Variants in SCFD2 observed in about 807,000 individuals in gnomAD.
The protein encoded by SCFD2 is sec1 family domain containing 2.
Under a neutral mutation model 58.9 loss-of-function variants are expected in SCFD2, and 54 were observed. The ratio of observed to expected loss-of-function variants is 0.92; its 90% CI spans 0.74 to 1.15. SCFD2 has a LOEUF of 1.15. Ranked by LOEUF, SCFD2 falls within the 50% of genes most tolerant of loss-of-function variation. The pLI, the probability that SCFD2 is intolerant of heterozygous loss-of-function variation, is 0.00. For missense variants in SCFD2, 805 were observed against 836.6 expected (o/e 0.96, Z 0.47); for synonymous variants, 321 against 335.9 (o/e 0.96, Z 0.49).
chr4:53,183,319 G>C (rs1018588065), intron 4 of SCFD2, among the ~76,000 whole-genome samples: 1 of 152,180 alleles, frequency 6.6e-6, no homozygotes, highest in Non-Finnish European at 1.5e-5. Context: ...ATACTATGCA[G>C]CCATAAAAAA....
intron 3 of SCFD2, among the ~76,000 whole-genome samples, chr4:53,311,333 A>G (rs1732683586): frequency 6.6e-6 from 1 of 151,856 alleles, no homozygotes; most frequent in Non-Finnish European, 1.5e-5. Flanking sequence ...CCCTATCTAG[A>G]GTTGTGGAAT....
chr4:53,346,428 C>T (rs1045358340), intron 2 of SCFD2, among the ~76,000 whole-genome samples: 4 of 151,932 alleles, frequency 2.6e-5, no homozygotes, highest in African/African-American at 9.7e-5. Context: ...GTGTGCACCA[C>T]CACACCTGGC....
chr4:53,161,820 CA>C (rs1158628230), intron 4 of SCFD2, among the ~76,000 whole-genome samples: 1 of 152,138 alleles, frequency 6.6e-6, no homozygotes, highest in East Asian at 1.9e-4. Flanking sequence ...CTCTTGTTAT[CA>C]TATTATCATC....
intron 3 of SCFD2, among the ~76,000 whole-genome samples, chr4:53,288,524 A>T (rs920212854): frequency 1.6e-4 from 25 of 152,190 alleles, no homozygotes; most frequent in African/African-American, 5.1e-4. Flanking sequence ...TCCCCATCAG[A>T]TTACCAGCGA....
At chr4:52,990,395 T>A (rs1721590777) in intron 5 of SCFD2, among the ~76,000 whole-genome samples, 1 of 152,252 alleles carries the variant, frequency 6.6e-6, no homozygotes, top group Non-Finnish European at 1.5e-5. Flanking sequence ...CCTTTCAGTG[T>A]TACTTTTTAA....
intron 5 of SCFD2, among the ~76,000 whole-genome samples, chr4:53,103,704 A>G (rs1264561690): frequency 7.2e-6 from 1 of 138,110 alleles, no homozygotes; most frequent in Non-Finnish European, 1.5e-5. Context: ...GAAATAGCTG[A>G]TTCTAGGACA....
chr4:52,967,480 A>G (rs1237123726), intron 5 of SCFD2, among the ~76,000 whole-genome samples: 1 of 152,176 alleles, frequency 6.6e-6, no homozygotes, highest in Admixed American at 6.5e-5. Flanking sequence ...TATTAATCCC[A>G]TTTTACAGAT....
intron 4 of SCFD2, among the ~76,000 whole-genome samples, chr4:53,154,320 T>A (rs958768720): frequency 6.6e-6 from 1 of 152,158 alleles, no homozygotes; most frequent in Non-Finnish European, 1.5e-5. Flanking sequence ...ACAATCATGG[T>A]AGAAGGCAAA....
intron 5 of SCFD2, among the ~76,000 whole-genome samples, chr4:52,975,408 A>T (rs1721228549): frequency 6.6e-6 from 1 of 152,258 alleles, no homozygotes; most frequent in Non-Finnish European, 1.5e-5. Context: ...CAGCCAACAG[A>T]CACATGAAAA....
At chr4:53,013,942 C>G (rs1163083140) in intron 5 of SCFD2, among the ~76,000 whole-genome samples, 1 of 152,132 alleles carries the variant, frequency 6.6e-6, no homozygotes, top group African/African-American at 2.4e-5. Flanking sequence ...TAAAAAATAT[C>G]TGGTATTTTG....
intron 5 of SCFD2, among the ~76,000 whole-genome samples, chr4:53,092,974 C>G (rs13141532): frequency 6.6e-6 from 1 of 151,918 alleles, no homozygotes; most frequent in Admixed American, 6.6e-5. Context: ...GAGTGAGTCA[C>G]GTGGATATTC....
At chr4:53,098,144 C>T (rs994207925) in intron 5 of SCFD2, among the ~76,000 whole-genome samples, 2 of 152,106 alleles carry the variant, frequency 1.3e-5, no homozygotes, top group Non-Finnish European at 2.9e-5. Flanking sequence ...ATTTTTGCAT[C>T]GATGTTCATC....
chr4:53,135,535 G>A (rs1304855838), intron 5 of SCFD2, among the ~76,000 whole-genome samples: 7 of 152,166 alleles, frequency 4.6e-5, no homozygotes, highest in Non-Finnish European at 5.9e-5. Flanking sequence ...AGAGATCAGA[G>A]ATCGAGACCA....
chr4:53,217,128 T>C (rs1303999901), intron 4 of SCFD2, among the ~76,000 whole-genome samples: 3 of 152,210 alleles, frequency 2.0e-5, no homozygotes, highest in African/African-American at 4.8e-5. Flanking sequence ...TTCTGTTGAT[T>C]TGGGGTGGAG....
At chr4:53,354,059 C>T (rs1273442110) in intron 1 of SCFD2, among the ~76,000 whole-genome samples, 30 of 152,258 alleles carry the variant, frequency 2.0e-4, no homozygotes, top group Middle Eastern at 3.2e-3. Context: ...TGGAGCTGCC[C>T]ACCAGTCCTG....
At chr4:52,923,875 G>A (rs906752380) in intron 5 of SCFD2, among the ~76,000 whole-genome samples, 2 of 152,306 alleles carry the variant, frequency 1.3e-5, no homozygotes, top group African/African-American at 2.4e-5. Context: ...ACCCTGGGAG[G>A]TTATGGCTTC....
Position 53,244,859 on chromosome 4 carries a change from G to C in SCFD2, c.1311+28967C>G, listed in dbSNP as rs1192122895. 3.3e-5 allele frequency among the ~76,000 whole-genome samples: 5 copies of C among 149,278 alleles called. No individual in the cohort carries two copies. In the South Asian group the frequency reaches 1.1e-3, roughly 32 times the overall value. Reference sequence around the variant, plus strand: ...ATAATAATAATAAGATAGACCAATAGCTAGACTAATAAAGAAAAAAAGAGA... The same window carrying C: ...ATAATAATAATAAGATAGACCAATACCTAGACTAATAAAGAAAAAAAGAGA... On this transcript the variant is annotated intron_variant, in intron 4 of 8. Transcript: ENST00000401642.
chr4:53,252,941 G>A (rs1220238253), intron 4 of SCFD2, among the ~76,000 whole-genome samples: 1 of 152,126 alleles, frequency 6.6e-6, no homozygotes, highest in Admixed American at 6.5e-5. Flanking sequence ...TACCATCAGA[G>A]TGAACAGGCA....
intron 5 of SCFD2, among the ~76,000 whole-genome samples, chr4:52,943,515 A>G (rs547149821): frequency 3.9e-5 from 6 of 152,206 alleles, no homozygotes; most frequent in African/African-American, 1.4e-4. Flanking sequence ...TCTGGCCTTC[A>G]AGCACTCACC....
Sources: gnomAD v4.1 joint callset for allele counts (sites outside exome capture counted in the v4.1 genomes callset) on GRCh38, gnomAD v4.1.1 for gene constraint, MANE v1.5 for transcripts, NCBI Gene and HGNC (gene_info 2026-07-23, HGNC 2026-07-21) for gene names.